Variants in SDK1 observed in about 807,000 individuals in gnomAD.
The protein encoded by SDK1 is sidekick cell adhesion molecule 1.
A neutral mutation model predicts 245.5 loss-of-function variants in SDK1; 157 were observed. The ratio of observed to expected loss-of-function variants is 0.64; its 90% confidence interval spans 0.56 to 0.73. The LOEUF is 0.73. Among genes scored for constraint, SDK1 ranks in the 30% least tolerant of loss-of-function variants. SDK1 has a pLI of 0.00. For missense variants in SDK1, 3,583 were observed against 3,002.3 expected, an observed-to-expected ratio of 1.19 and a Z score of -4.52; for synonymous variants, 1,647 against 1,278.5, an observed-to-expected ratio of 1.29 and a Z score of -6.15.
At chr7:3,814,367 G>A (rs1303034033) in intron 4 of SDK1, among the ~76,000 whole-genome samples, 1 of 148,992 alleles carries the variant, frequency 6.7e-6, no homozygotes, top group East Asian at 2.0e-4. Flanking sequence ...TATTAAATAG[G>A]GAATCCTTTC....
rs1486408762 is a variant in SDK1 at position 3,380,221 on chromosome 7, G to A, written c.298+78337G>A. ...AGAGTTTGTCACTAGGTCAATATCC[G>A]CAACATTATAAAGATGTTACTGTGT... On this transcript the variant is annotated intron_variant, in intron 1 of 44. Coordinates refer to ENST00000404826, the MANE Select transcript of SDK1 (RefSeq NM_152744.4). Among the ~76,000 whole-genome samples the A allele has an allele frequency of 8.5e-5, 13 of 152,210 alleles. No individual in the cohort carries two copies. In the East Asian group the frequency reaches 1.5e-3, roughly 18 times the overall value.
intron 5 of SDK1, among the ~76,000 whole-genome samples, chr7:3,895,964 C>T (rs1781594428): frequency 6.6e-6 from 1 of 152,060 alleles, no homozygotes; most frequent in South Asian, 2.1e-4. Context: ...TGATTTCAAT[C>T]CTTTTAAATT....
At chr7:3,791,967 T>C (rs1781106608) in intron 4 of SDK1, among the ~76,000 whole-genome samples, 1 of 150,668 alleles carries the variant, frequency 6.6e-6, no homozygotes, top group Non-Finnish European at 1.5e-5. Context: ...TTCCAAAAAA[T>C]GCAAAAAAAA....
chr7:4,084,739 T>C (rs1458100345), intron 22 of SDK1, among the ~76,000 whole-genome samples: 1 of 142,484 alleles, frequency 7.0e-6, no homozygotes, highest in Non-Finnish European at 1.6e-5. Context: ...ATGTTGTTAC[T>C]TAAATGTATA....
intron 1 of SDK1, among the ~76,000 whole-genome samples, chr7:3,360,474 A>G (rs1451726218): frequency 2.6e-5 from 4 of 152,172 alleles, no homozygotes; most frequent in Non-Finnish European, 5.9e-5. Context: ...GAAGTGTTAC[A>G]TGAATTTGTG....
chr7:3,980,278 T>A (rs1783296511), intron 13 of SDK1, among the ~76,000 whole-genome samples: 1 of 152,234 alleles, frequency 6.6e-6, no homozygotes, highest in African/African-American at 2.4e-5. Context: ...TTCATCTCTC[T>A]CCCGTACTGT....
intron 1 of SDK1, among the ~76,000 whole-genome samples, chr7:3,593,633 T>C (rs1390306431): frequency 6.6e-6 from 1 of 152,142 alleles, no homozygotes; most frequent in African/African-American, 2.4e-5. Flanking sequence ...TCTTGAGTCT[T>C]TAAGAATGTA....
chr7:3,378,981 C>T (rs2128566412), intron 1 of SDK1, among the ~76,000 whole-genome samples: 2 of 152,258 alleles, frequency 1.3e-5, no homozygotes, highest in South Asian at 2.1e-4. Context: ...AGGACTTGCT[C>T]AGCTCTTCCA....
At chr7:3,986,898 G>C (rs1783889027) in intron 13 of SDK1, among the ~76,000 whole-genome samples, 1 of 152,140 alleles carries the variant, frequency 6.6e-6, no homozygotes, top group African/African-American at 2.4e-5. Context: ...GTAAACGTCT[G>C]CGTCCCCTCC....
chr7:3,474,258 G>C (rs1484954540), intron 1 of SDK1, among the ~76,000 whole-genome samples: 1 of 151,416 alleles, frequency 6.6e-6, no homozygotes, highest in East Asian at 2.0e-4. Context: ...ACCACGACCA[G>C]CTAATTTTTG....
chr7:3,680,891 G>A (rs544449792), intron 4 of SDK1, among the ~76,000 whole-genome samples: 3 of 152,228 alleles, frequency 2.0e-5, no homozygotes, highest in African/African-American at 7.2e-5. Flanking sequence ...TTGCCAGGCT[G>A]GAGTTCAGTG....
chr7:4,214,512 T>A (rs953208994), intron 38 of SDK1, among the ~76,000 whole-genome samples: 9 of 152,232 alleles, frequency 5.9e-5, no homozygotes, highest in African/African-American at 2.2e-4. Context: ...GCTCTGAGAT[T>A]AGAGCGAGAG....
Position 3,645,080 on chromosome 7 carries a change from C to T in SDK1, c.713+2975C>T, listed in dbSNP as rs934300006. Among the ~76,000 whole-genome samples the T allele has an allele frequency of 7.9e-5, 12 of 152,266 alleles. No individual in the cohort carries two copies. In the South Asian group the frequency reaches 1.0e-3, roughly 13 times the overall value. ...ATCTACCTGTTAACCTGTGTTCTCA[C>T]TATATGCATGAGACAGCACTTATTC... On this transcript the variant is annotated intron_variant, in intron 4 of 44. Coordinates refer to ENST00000404826, the MANE Select transcript of SDK1 (RefSeq NM_152744.4).
chr7:3,837,586 C>T (rs1780055256), intron 5 of SDK1, among the ~76,000 whole-genome samples: 1 of 152,142 alleles, frequency 6.6e-6, no homozygotes, highest in South Asian at 2.1e-4. Flanking sequence ...GAAAACTTCC[C>T]ATTTGGAGAG....
At chr7:3,592,739 T>C (rs1404728039) in intron 1 of SDK1, among the ~76,000 whole-genome samples, 1 of 152,160 alleles carries the variant, frequency 6.6e-6, no homozygotes, top group Non-Finnish European at 1.5e-5. Flanking sequence ...ATGTCACCGC[T>C]TTATATAAAG....
intron 19 of SDK1, among the ~76,000 whole-genome samples, chr7:4,062,711 A>G (rs1779616745): frequency 6.6e-6 from 1 of 152,202 alleles, no homozygotes; most frequent in Admixed American, 6.5e-5. Flanking sequence ...CTCAACAAAA[A>G]TATTAGCAAA....
intron 4 of SDK1, among the ~76,000 whole-genome samples, chr7:3,722,235 G>T (rs1478765696): frequency 1.3e-5 from 2 of 152,108 alleles, no homozygotes; most frequent in Non-Finnish European, 2.9e-5. Flanking sequence ...TGGCTTGGTA[G>T]ACTGTACAGA....
At chr7:3,417,978 C>A (rs138347254) in intron 1 of SDK1, among the ~76,000 whole-genome samples, 1 of 152,094 alleles carries the variant, frequency 6.6e-6, no homozygotes, top group Non-Finnish European at 1.5e-5. Context: ...GGAACCCTTA[C>A]AAGTGATTTC....
intron 1 of SDK1, among the ~76,000 whole-genome samples, chr7:3,358,115 G>A (rs1251868736): frequency 6.6e-6 from 1 of 152,020 alleles, no homozygotes; most frequent in Non-Finnish European, 1.5e-5. Flanking sequence ...TCTGCCTCCT[G>A]GATTCCAGCG....
Sources: allele counts gnomAD v4.1 joint callset (sites outside exome capture counted in the v4.1 genomes callset), GRCh38; gene constraint gnomAD v4.1.1; transcripts MANE v1.5; gene names NCBI Gene and HGNC (gene_info 2026-07-23, HGNC 2026-07-21).